LRRC8D: variants seen among roughly 807,000 people sequenced by gnomAD.
LRRC8D encodes leucine rich repeat containing 8 VRAC subunit D.
A neutral mutation model predicts 55.8 loss-of-function variants in LRRC8D; 20 were observed. The observed-to-expected ratio is 0.36, with a 90% CI of 0.25 to 0.52. The LOEUF is 0.52. LRRC8D is among the 20% of genes least tolerant of loss of function. LRRC8D has a pLI of 0.93. For synonymous variants in LRRC8D, 352 were observed against 377.0 expected (o/e 0.93, Z 0.77); for missense variants, 651 against 1,030.8 (o/e 0.63, Z 5.05).
chr1:89,864,513 T>C (rs940398383), intron 2 of LRRC8D, among the ~76,000 whole-genome samples: 4 of 152,076 alleles, frequency 2.6e-5, no homozygotes, highest in Non-Finnish European at 5.9e-5. Context: ...CTATCTTAAA[T>C]TTTATCTGGT....
At chr1:89,842,229 A>G (rs976409403) in intron 1 of LRRC8D, among the ~76,000 whole-genome samples, 4 of 151,672 alleles carry the variant, frequency 2.6e-5, no homozygotes, top group African/African-American at 9.7e-5. Flanking sequence ...AAAAAAAAAA[A>G]AAAGAATTTG....
intron 2 of LRRC8D, among the ~76,000 whole-genome samples, chr1:89,867,824 A>G (rs536144005): frequency 1.3e-4 from 20 of 152,346 alleles, no homozygotes; most frequent in Admixed American, 5.2e-4. Context: ...TCCTTAAAAT[A>G]ATGTTTTACT....
intron 1 of LRRC8D, among the ~76,000 whole-genome samples, chr1:89,839,659 C>T (rs529840508): frequency 5.9e-5 from 9 of 152,176 alleles, no homozygotes; most frequent in African/African-American, 2.2e-4. Context: ...TTTGCAGAGA[C>T]CAGGAAGTGA....
At chr1:89,826,271 ATTTTAT>A (rs768454978) in intron 1 of LRRC8D, among the ~76,000 whole-genome samples, 1 of 150,724 alleles carries the variant, frequency 6.6e-6, no homozygotes, top group Non-Finnish European at 1.5e-5. Context: ...ATTTTATTTT[ATTTTAT>A]TTTTTTAGAC....
intron 2 of LRRC8D, among the ~76,000 whole-genome samples, chr1:89,896,451 G>A (rs1662715295): frequency 6.6e-6 from 1 of 152,178 alleles, no homozygotes; most frequent in Admixed American, 6.5e-5. Flanking sequence ...CTGACTCCCA[G>A]CACACTTTAC....
At chr1:89,931,176 C>T (rs762168485) in intron 2 of LRRC8D, among the ~76,000 whole-genome samples, 25 of 142,912 alleles carry the variant, frequency 1.7e-4, no homozygotes, top group Non-Finnish European at 2.7e-4. Flanking sequence ...CAGATGTGAT[C>T]ATTGCTGTAG....
At chr1:89,900,294 T>C (rs111622010) in intron 2 of LRRC8D, among the ~76,000 whole-genome samples, 5 of 152,306 alleles carry the variant, frequency 3.3e-5, no homozygotes, top group African/African-American at 9.6e-5. Context: ...GTGTTACAAA[T>C]GCTGATGGTG....
chr1:89,924,173 A>G (rs1363339363), intron 2 of LRRC8D, among the ~76,000 whole-genome samples: 1 of 152,230 alleles, frequency 6.6e-6, no homozygotes, highest in East Asian at 1.9e-4. Flanking sequence ...TTTGCAAACT[A>G]TGCATCTGAC....
intron 2 of LRRC8D, among the ~76,000 whole-genome samples, chr1:89,850,197 A>T (rs1570819278): frequency 6.6e-6 from 1 of 152,160 alleles, no homozygotes; most frequent in Non-Finnish European, 1.5e-5. Context: ...ATATATGTAG[A>T]TGTATCTTTC....
intron 2 of LRRC8D, among the ~76,000 whole-genome samples, chr1:89,914,343 T>C (rs1663205746): frequency 1.3e-5 from 2 of 152,258 alleles, no homozygotes; most frequent in Admixed American, 6.5e-5. Flanking sequence ...CGCCTCTGCC[T>C]CCACACCTCC....
At chr1:89,873,511 A>G (rs1388182503) in intron 2 of LRRC8D, among the ~76,000 whole-genome samples, 1 of 152,190 alleles carries the variant, frequency 6.6e-6, no homozygotes, top group Non-Finnish European at 1.5e-5. Context: ...TCTTCTTTGT[A>G]TACAGCTCCA....
intron 2 of LRRC8D, among the ~76,000 whole-genome samples, chr1:89,882,657 T>C (rs1353693780): frequency 6.6e-6 from 1 of 152,252 alleles, no homozygotes; most frequent in African/African-American, 2.4e-5. Context: ...CAAGTGTTTT[T>C]GTATTCCCAG....
chr1:89,870,483 AAAAG>A (rs1048339101), intron 2 of LRRC8D, among the ~76,000 whole-genome samples: 3 of 152,222 alleles, frequency 2.0e-5, no homozygotes, highest in African/African-American at 7.2e-5. Flanking sequence ...ATCAAAAAAA[AAAAG>A]AAGAAGATAG....
intron 2 of LRRC8D, among the ~76,000 whole-genome samples, chr1:89,880,873 G>A (rs893721778): frequency 3.9e-5 from 6 of 151,948 alleles, no homozygotes; most frequent in Admixed American, 1.3e-4. Context: ...ATAATACAGT[G>A]TACATATTAC....
chr1:89,897,647 C>A (rs1434636005), intron 2 of LRRC8D, among the ~76,000 whole-genome samples: 1 of 152,028 alleles, frequency 6.6e-6, no homozygotes, highest in African/African-American at 2.4e-5. Flanking sequence ...TAACTTTGTT[C>A]TTTGCTTCTT....
intron 2 of LRRC8D, among the ~76,000 whole-genome samples, chr1:89,848,303 A>G (rs563112381): frequency 5.9e-5 from 9 of 152,236 alleles, no homozygotes; most frequent in African/African-American, 2.2e-4. Flanking sequence ...CATAGCCACT[A>G]CCACCACCAC....
At chr1:89,840,486 A>C (rs1661107445) in intron 1 of LRRC8D, among the ~76,000 whole-genome samples, 1 of 152,148 alleles carries the variant, frequency 6.6e-6, no homozygotes, top group East Asian at 1.9e-4. Flanking sequence ...TAAGAAAGAG[A>C]AATGTGGCTG....
At chr1:89,836,830 G>A (rs1304757625) in intron 1 of LRRC8D, among the ~76,000 whole-genome samples, 3 of 152,090 alleles carry the variant, frequency 2.0e-5, no homozygotes, top group African/African-American at 7.2e-5. Flanking sequence ...CAATTGGCTC[G>A]CCCTCATTTG....
Position 89,934,754 on chromosome 1 carries a change from T to A in LRRC8D, c.1686T>A (p.Leu562=). The A allele has an allele frequency of 6.2e-7, 1 of 1,614,136 alleles. No individual in the cohort carries two copies. The highest frequency in any genetic ancestry group is 8.5e-7 in the Non-Finnish European group (1 of 1,180,032). The change falls in exon 3 of 3, where the codon CTT becomes CTA. Residue 562 remains leucine (L), a synonymous_variant. Transcript: ENST00000337338. This position sits in a 1 kb window ranked among gnomAD's most constrained non-coding sequence, Gnocchi z 5.9. The part of the protein sequence containing the change: ...IPAWVYLLKN[L]RELYLIGNLN... The stretch of plus-strand genomic sequence containing the variant: ...CCTGGGTGTATTTGCTCAAAAACCT[T>A]CGAGAGTTGTACTTAATAGGCAATT...
Sources: allele counts gnomAD v4.1 joint callset (sites outside exome capture counted in the v4.1 genomes callset), GRCh38; gene constraint gnomAD v4.1.1; non-coding constraint Gnocchi (gnomAD v3.1); transcripts MANE v1.5; gene names NCBI Gene and HGNC (gene_info 2026-07-23, HGNC 2026-07-21).